TBC1D3B: variants seen among roughly 807,000 people sequenced by gnomAD.
TBC1D3B encodes the protein Rab GTPase-activating protein PRC17 duplicate.
A neutral mutation model predicts 27.1 loss-of-function variants in TBC1D3B; 2 were observed. The observed-to-expected ratio is 0.07, with a 90% confidence interval of 0.03 to 0.23. The LOEUF is 0.23. TBC1D3B is among the 10% of genes least tolerant of loss of function. The probability of loss-of-function intolerance (pLI) is 1.00; values close to 1 mark genes in which losing one functional copy is unlikely to be tolerated. For missense variants in TBC1D3B, 17 were observed against 401.3 expected (o/e 0.04, Z 8.18); for synonymous variants, 3 against 150.1 (o/e 0.02, Z 7.16).
chr17:36,167,231 G>T (rs1471359478), intron 13 of TBC1D3B, among the ~76,000 whole-genome samples: 1 of 62,974 alleles, frequency 1.6e-5, no homozygotes, highest in African/African-American at 3.4e-5. Context: ...CCCACAAATG[G>T]GTCTGGGCTC....
In TBC1D3B at chr17:36,165,770, G is replaced by A. The variant is rs1157595823; in HGVS notation, c.*225C>T. On this transcript the variant is annotated 3_prime_UTR_variant, in exon 14 of 14. Transcript: ENST00000611257. ...CAAAGGCAGGCTCACGGTGTCGTCA[G>A]AATTCAGAACGATGGTCGTGGGGCT... 2 of 932,514 alleles carry A rather than the reference G, an allele frequency of 2.1e-6. No homozygotes were observed. The highest frequency in any genetic ancestry group is 3.2e-5 in the South Asian group (2 of 63,418). The allele number at this position is 932,514 out of a possible 1,614,324, so 57.8% of individuals were successfully genotyped here. A position where few individuals can be genotyped will look rare whatever the true frequency, so the allele number is the denominator to read the frequency against.
chr17:36,171,516 G>C lies in TBC1D3B; in HGVS notation c.497+339C>G, dbSNP rs1411364388. Among the ~76,000 whole-genome samples the C allele has an allele frequency of 3.6e-3, 540 of 151,186 alleles. 15 individuals carry two copies. Among genetic ancestry groups the C allele is most frequent in the Non-Finnish European group, 6.6e-3 (443 of 67,346 alleles). On this transcript the variant is annotated intron_variant, in intron 7 of 13. Coordinates refer to ENST00000611257, the MANE Select transcript of TBC1D3B (RefSeq NM_001001417.7). Reference sequence around the variant, plus strand: ...CATTTGGTGCTGTCACTGTTGCCTGGGGGGGCTCATGGGCCCTCTATCCTG... The same window carrying C: ...CATTTGGTGCTGTCACTGTTGCCTGCGGGGGCTCATGGGCCCTCTATCCTG...
intron 13 of TBC1D3B, among the ~76,000 whole-genome samples, chr17:36,167,268 G>C (rs2068269955): frequency 2.4e-4 from 12 of 49,670 alleles, no homozygotes; most frequent in African/African-American, 4.9e-4. Flanking sequence ...GGCCCTGCGA[G>C]GGGGAGAGGG....
rs2068242521 is a variant in TBC1D3B, at chr17:36,165,857, C to T, written c.*138G>A. ...TGATCTGGGGTCTGGTGTGTTCCAT[C>T]TCTGAATGTCTCTCAAGCTGCACTC... is the stretch of plus-strand genomic sequence containing the variant. On this transcript the variant is annotated 3_prime_UTR_variant, in exon 14 of 14. Transcript: ENST00000611257. The T allele has an allele frequency of 1.1e-6, 1 of 950,574 alleles. No homozygotes were observed. The highest frequency in any genetic ancestry group is 1.4e-5 in the African/African-American group (1 of 69,376). 58.9% of individuals were successfully genotyped at this position (950,574 alleles called of 1,614,324 possible). A position where few individuals can be genotyped will look rare whatever the true frequency, so the allele number is the denominator to read the frequency against.
chr17:36,167,329 C>T (rs2068270964), intron 13 of TBC1D3B, among the ~76,000 whole-genome samples: 1 of 50,646 alleles, frequency 2.0e-5, no homozygotes, highest in African/African-American at 4.0e-5. Context: ...TGCCCACATC[C>T]CCCTCCTGCG....
Position 36,171,130 on chromosome 17 carries a change from G to A in TBC1D3B, c.498-527C>T, listed in dbSNP as rs1180969326. Reference sequence around the variant, plus strand: ...TATTGGGTCTGGCTTCTGTCCCTCAGCAAAATGCATCTAGGATCCACCCAC... The same window carrying A: ...TATTGGGTCTGGCTTCTGTCCCTCAACAAAATGCATCTAGGATCCACCCAC... On this transcript the variant is annotated intron_variant, in intron 7 of 13. Transcript: ENST00000611257. Among the ~76,000 whole-genome samples, 566 of 147,012 alleles carry A rather than the reference G, an allele frequency of 3.9e-3. 3 individuals are homozygous for A. The highest frequency in any genetic ancestry group is 7.2e-3 in the Non-Finnish European group (467 of 64,804).
At chr17:36,171,571 C>A (rs1447957565) in intron 7 of TBC1D3B, among the ~76,000 whole-genome samples, 5 of 150,362 alleles carry the variant, frequency 3.3e-5, no homozygotes, top group East Asian at 1.9e-4. Context: ...ACCATGGGTC[C>A]CCATGGGTCA....
intron 12 of TBC1D3B, 149 bp downstream of exon 12, chr17:36,167,918 T>C (rs1414032338): frequency 8.8e-7 from 1 of 1,139,174 alleles, no homozygotes; most frequent in Non-Finnish European, 1.2e-6. Context: ...ATGGGCTCGG[T>C]GTCACAGTGT....
rs1289253066 is a variant in TBC1D3B at position 36,171,341 on chromosome 17, T to G, written c.497+514A>C. The stretch of plus-strand genomic sequence containing the variant: ...ATGTGGATGTCAGTTTCCAAATCAG[T>G]GGGTTCAATATCTGTGACACTTTGG... On this transcript the variant is annotated intron_variant, in intron 7 of 13. Transcript: ENST00000611257. Among the ~76,000 whole-genome samples the G allele has an allele frequency of 1.3e-3, 192 of 151,102 alleles. No individual in the cohort carries two copies. In the South Asian group the frequency reaches 0.018, roughly 14 times the overall value.
chr17:36,171,234 C>T (rs2068347989), intron 7 of TBC1D3B, among the ~76,000 whole-genome samples: 1 of 150,566 alleles, frequency 6.6e-6, no homozygotes, highest in African/African-American at 2.4e-5. Flanking sequence ...TTGCTCTCCC[C>T]ATTCCCGTGT....
intron 9 of TBC1D3B, among the ~76,000 whole-genome samples, chr17:36,169,425 C>T (rs1459017520): frequency 1.0e-4 from 15 of 149,434 alleles, no homozygotes; most frequent in African/African-American, 2.9e-4. Context: ...TTTCAGGCCA[C>T]GACAGGGTGG....
intron 7 of TBC1D3B, among the ~76,000 whole-genome samples, chr17:36,170,926 C>T (rs1187850081): frequency 2.3e-5 from 2 of 85,714 alleles, no homozygotes; most frequent in African/African-American, 5.6e-5. Flanking sequence ...CAGAGTCTCC[C>T]GGCCACCGCT....
intron 13 of TBC1D3B, among the ~76,000 whole-genome samples, chr17:36,167,136 C>G (rs1273959785): frequency 0.066 from 6,864 of 103,938 alleles, 193 homozygotes; most frequent in East Asian, 0.24. Flanking sequence ...GCTTCTTGTC[C>G]TGGCAACCTT....
intron 7 of TBC1D3B, among the ~76,000 whole-genome samples, chr17:36,171,567 G>C (rs1327587930): frequency 2.8e-4 from 42 of 150,396 alleles, no homozygotes; most frequent in African/African-American, 9.4e-4. Context: ...TCCTACCATG[G>C]GTCCCCATGG....
Position 36,168,414 on chromosome 17 carries a change from T to C in TBC1D3B, c.828+216A>G, listed in dbSNP as rs2068292960. ...TGAGGCTTCCCTGAGCCCTCTCAAG[T>C]TGGGTCCTGGCCCAGTCTGCCCATG... On this transcript the variant is annotated intron_variant, in intron 11 of 13. Transcript: ENST00000611257. 3.4e-5 allele frequency among the ~76,000 whole-genome samples: 2 copies of C among 59,496 alleles called. 1 individual carries two copies. Among genetic ancestry groups the C allele is most frequent in the Admixed American group, 2.3e-4 (2 of 8,638 alleles). 39.0% of individuals were successfully genotyped at this position (59,496 alleles called of 152,430 possible).
At chr17:36,169,463 C>T (rs1352504915) in intron 9 of TBC1D3B, among the ~76,000 whole-genome samples, 3 of 149,792 alleles carry the variant, frequency 2.0e-5, no homozygotes, top group African/African-American at 4.8e-5. Flanking sequence ...CTGGGCTTCC[C>T]GGTCATCTCC....
intron 7 of TBC1D3B, among the ~76,000 whole-genome samples, chr17:36,171,173 C>T (rs1286675283): frequency 2.7e-5 from 4 of 149,060 alleles, no homozygotes; most frequent in South Asian, 2.1e-4. Flanking sequence ...CGGGCATCAC[C>T]GGCTCGTTCC....
intron 7 of TBC1D3B, among the ~76,000 whole-genome samples, chr17:36,171,332 C>G (rs1279419081): frequency 2.5e-4 from 37 of 149,916 alleles, no homozygotes; most frequent in African/African-American, 7.2e-4. Context: ...ATGTCAGTTT[C>G]CAAATCAGTG....
Position 36,165,839 on chromosome 17 carries a change from G to A in TBC1D3B, c.*156C>T, listed in dbSNP as rs2068242257. ...TGGGCATGGTTGGCTTTGTGATCTG[G>A]GGTCTGGTGTGTTCCATCTCTGAAT... On this transcript the variant is annotated 3_prime_UTR_variant, in exon 14 of 14. Coordinates refer to ENST00000611257, the MANE Select transcript of TBC1D3B (RefSeq NM_001001417.7). The A allele has an allele frequency of 8.4e-6, 8 of 953,966 alleles. No individual in the cohort carries two copies. The highest frequency in any genetic ancestry group is 1.3e-5 in the Non-Finnish European group (8 of 637,194). 59.1% of individuals were successfully genotyped at this position (953,966 alleles called of 1,614,324 possible).
Sources: gnomAD v4.1 joint callset for allele counts (sites outside exome capture counted in the v4.1 genomes callset) on GRCh38, gnomAD v4.1.1 for gene constraint, MANE v1.5 for transcripts, NCBI Gene and HGNC (gene_info 2026-07-23, HGNC 2026-07-21) for gene names.